The following PDZD2 variants were observed in gnomAD, a reference collection of about 807,000 sequenced individuals.
PDZD2 encodes PDZ domain containing 2.
Under a neutral mutation model 220.7 loss-of-function variants are expected in PDZD2, and 90 were observed. The observed-to-expected ratio is 0.41, with a 90% CI of 0.34 to 0.49. The LOEUF (loss-of-function observed/expected upper bound fraction) is 0.49, where lower values mean the gene tolerates loss of function less well. Among genes scored for constraint, PDZD2 ranks in the 20% least tolerant of loss-of-function variants. The pLI, the probability that PDZD2 is intolerant of heterozygous loss-of-function variation, is 0.28. For synonymous variants in PDZD2, 1,375 were observed against 1,450.5 expected, an observed-to-expected ratio of 0.95 and a Z score of 1.18; for missense variants, 3,174 against 3,608.5, an observed-to-expected ratio of 0.88 and a Z score of 3.08.
At chr5:31,726,817 G>C (rs771179907) in intron 1 of PDZD2, among the ~76,000 whole-genome samples, 1 of 152,136 alleles carries the variant, frequency 6.6e-6, no homozygotes, top group Non-Finnish European at 1.5e-5. Context: ...GTAATAGGCC[G>C]TTGTCCCATT....
At chr5:31,878,382 A>G (rs1739510956) in intron 2 of PDZD2, among the ~76,000 whole-genome samples, 1 of 151,906 alleles carries the variant, frequency 6.6e-6, no homozygotes, top group Non-Finnish European at 1.5e-5. Context: ...CTTTAAAAGC[A>G]CTATTCTCTT....
chr5:31,904,631 C>G (rs1403382170), intron 2 of PDZD2, among the ~76,000 whole-genome samples: 1 of 151,418 alleles, frequency 6.6e-6, no homozygotes, highest in Non-Finnish European at 1.5e-5. Context: ...GGGTTCACAC[C>G]ATTCTCCTCC....
In PDZD2 at chr5:31,651,668, G is replaced by A. The variant is rs186137803; in HGVS notation, c.-361+12231G>A. On this transcript the variant is annotated intron_variant, in intron 1 of 24. Transcript: ENST00000438447. ...TTTTTTTGAGATAAGATCTCCCTCT[G>A]TTGCCCAGGCTGGAGTGCAGTGGCA... Among the ~76,000 whole-genome samples, 405 of 151,958 alleles carry A rather than the reference G, an allele frequency of 2.7e-3. 4 individuals carry two copies. Among genetic ancestry groups the A allele is most frequent in the Non-Finnish European group, 4.6e-3 (312 of 68,026 alleles).
chr5:31,725,441 T>C (rs1749067349), intron 1 of PDZD2: 2 of 1,195,720 alleles, frequency 1.7e-6, no homozygotes, highest in Non-Finnish European at 2.2e-6. Flanking sequence ...TTAAGCATCA[T>C]TGCAACATTG....
chr5:31,985,091 TAA>T (rs1750608349), intron 3 of PDZD2, among the ~76,000 whole-genome samples: 1 of 142,388 alleles, frequency 7.0e-6, no homozygotes, highest in Non-Finnish European at 1.5e-5. Flanking sequence ...ACTAATTTTA[TAA>T]GTTCCCCCAA....
chr5:31,841,330 T>C (rs1757289602), intron 2 of PDZD2, among the ~76,000 whole-genome samples: 1 of 152,176 alleles, frequency 6.6e-6, no homozygotes, highest in Admixed American at 6.5e-5. Context: ...GACCTTGGGT[T>C]ATTTCTTAAC....
chr5:32,078,622 A>G (rs369765997), intron 19 of PDZD2, among the ~76,000 whole-genome samples: 3,923 of 140,214 alleles, frequency 0.028, 81 homozygotes, highest in Non-Finnish European at 0.043. Context: ...ATACAGTGAA[A>G]CTGTGTCTCA....
intron 1 of PDZD2, among the ~76,000 whole-genome samples, chr5:31,715,271 C>A (rs1168116485): frequency 6.6e-6 from 1 of 152,080 alleles, no homozygotes; most frequent in Non-Finnish European, 1.5e-5. Context: ...GAAACTAATT[C>A]TTCAAGATTA....
At position 31,803,834 on chromosome 5, in the gene PDZD2, A is replaced by G. The variant is rs1280529154; in HGVS notation, c.476+4110A>G. Among the ~76,000 whole-genome samples the G allele has an allele frequency of 3.9e-5, 6 of 152,042 alleles. No individual in the cohort carries two copies. In the East Asian group the frequency reaches 9.7e-4, roughly 24 times the overall value. ...CAAGATTGCTTGAGCCCAGGGGTTC[A>G]AGACCAGCCTGGGCAACATGGCAAG... On this transcript the variant is annotated intron_variant, in intron 2 of 24. Transcript: ENST00000438447.
intron 1 of PDZD2, 93 bp from the exon 2 acceptor site, chr5:31,798,796 T>C (rs13340334): frequency 0.15 from 24,503 of 167,430 alleles, 2,388 homozygotes; most frequent in African/African-American, 0.28. Context: ...AAAGTACACA[T>C]GGTCCTTCTG....
intron 19 of PDZD2, among the ~76,000 whole-genome samples, chr5:32,084,512 T>C (rs1489335074): frequency 2.0e-5 from 3 of 152,236 alleles, no homozygotes; most frequent in Non-Finnish European, 1.5e-5. Flanking sequence ...AGCACAGGGC[T>C]GAGTCCTAAT....
chr5:31,929,921 A>AATGG (rs1448185812), intron 2 of PDZD2, among the ~76,000 whole-genome samples: 2 of 152,128 alleles, frequency 1.3e-5, no homozygotes, highest in African/African-American at 4.8e-5. Context: ...ATCCCCCGTG[A>AATGG]ATGGCTGAGC....
intron 2 of PDZD2, among the ~76,000 whole-genome samples, chr5:31,896,064 G>A (rs1043184848): frequency 6.6e-6 from 1 of 152,130 alleles, no homozygotes; most frequent in African/African-American, 2.4e-5. Flanking sequence ...CACAGACTTG[G>A]GAACAGTAGG....
intron 1 of PDZD2, among the ~76,000 whole-genome samples, chr5:31,773,803 G>A (rs770850762): frequency 7.9e-5 from 12 of 152,202 alleles, no homozygotes; most frequent in African/African-American, 1.4e-4. Context: ...CTTTAGACAA[G>A]TCACTTGGGC....
At chr5:32,076,598 G>A (rs1325936893) in intron 18 of PDZD2, among the ~76,000 whole-genome samples, 1 of 152,106 alleles carries the variant, frequency 6.6e-6, no homozygotes, top group East Asian at 1.9e-4. Context: ...GTTAAATTCT[G>A]TTTTTATTTA....
At chr5:31,913,427 C>T (rs962301489) in intron 2 of PDZD2, among the ~76,000 whole-genome samples, 2 of 151,732 alleles carry the variant, frequency 1.3e-5, no homozygotes, top group Non-Finnish European at 2.9e-5. Context: ...GGACTTCAGG[C>T]AAATTGAATT....
At position 32,008,875 on chromosome 5, in the gene PDZD2, C is replaced by T. The variant is rs562625219; in HGVS notation, c.1255-1455C>T. Among the ~76,000 whole-genome samples, 896 of 152,226 alleles carry T rather than the reference C, an allele frequency of 5.9e-3. 10 individuals carry two copies. Among genetic ancestry groups the T allele is most frequent in the African/African-American group, 0.02 (848 of 41,528 alleles). On this transcript the variant is annotated intron_variant, in intron 5 of 24. Transcript: ENST00000438447. The stretch of plus-strand genomic sequence containing the variant: ...AGGAGAGGTGTTCAAGCCTTGCCCG[C>T]GTGGGCCTCAGTCGTGAAAGGAAGG...
At chr5:31,826,910 C>T (rs1160657104) in intron 2 of PDZD2, among the ~76,000 whole-genome samples, 3 of 152,128 alleles carry the variant, frequency 2.0e-5, no homozygotes, top group African/African-American at 7.2e-5. Flanking sequence ...AGCCTGGAAT[C>T]GAGCCGGGGT....
intron 2 of PDZD2, among the ~76,000 whole-genome samples, chr5:31,872,815 TAAC>T (rs963197073): frequency 1.3e-5 from 2 of 152,088 alleles, no homozygotes; most frequent in Non-Finnish European, 2.9e-5. Context: ...CACTGAATAA[TAAC>T]GTTTCAGTAA....
Sources: allele counts gnomAD v4.1 joint callset (sites outside exome capture counted in the v4.1 genomes callset), GRCh38; gene constraint gnomAD v4.1.1; transcripts MANE v1.5; gene names NCBI Gene and HGNC (gene_info 2026-07-23, HGNC 2026-07-21).